Variants in ZCCHC14 observed in about 807,000 individuals in gnomAD.
The protein encoded by ZCCHC14 is zinc finger CCHC domain-containing protein 14.
In ZCCHC14, 16 loss-of-function variants were observed where a neutral mutation model predicts 85.0. The observed-to-expected ratio is 0.19, with a 90% CI of 0.13 to 0.29. The LOEUF is 0.29. ZCCHC14 is among the 10% of genes least tolerant of loss of function. ZCCHC14 has a pLI of 1.00. For missense variants in ZCCHC14, 1,303 were observed against 1,443.5 expected, an observed-to-expected ratio of 0.90 and a Z score of 1.58; for synonymous variants, 775 against 630.7, an observed-to-expected ratio of 1.23 and a Z score of -3.43.
Position 87,412,085 on chromosome 16 carries a change from C to G in ZCCHC14, c.2636G>C (p.Ser879Thr). 1 of 1,612,844 alleles carries G rather than the reference C, an allele frequency of 6.2e-7. No individual in the cohort carries two copies. The highest frequency in any genetic ancestry group is 8.5e-7 in the Non-Finnish European group (1 of 1,180,030). ...GCCACCGCCACTGCTGCTATAGAAA[C>G]TGCTTTCAGGGACGGAGGACAGCGC... ...SPALSSVPES[S>T]FYSSSGGGGS... Residue 879 changes from serine (S) to threonine (T), a missense_variant, in exon 12 of 13, where the codon AGT becomes ACT. Around this residue, in one of 7 missense-constraint regions of ZCCHC14, gnomAD observed 797 missense variants for 730.8 expected, o/e 1.09. Coordinates refer to ENST00000671377, the MANE Select transcript of ZCCHC14 (RefSeq NM_015144.3).
intron 1 of ZCCHC14, among the ~76,000 whole-genome samples, chr16:87,489,233 A>T (rs11646247): frequency 0.67 from 101,552 of 152,018 alleles, 38,558 homozygotes; most frequent in South Asian, 0.87. Context: ...AAAACTAGAA[A>T]CCACGGTTGT....
At chr16:87,476,216 C>G (rs12443844) in intron 1 of ZCCHC14, among the ~76,000 whole-genome samples, 4 of 152,118 alleles carry the variant, frequency 2.6e-5, no homozygotes, top group African/African-American at 9.7e-5. Context: ...CCCGAAAATA[C>G]TAAAGTGAGT....
chr16:87,447,279 G>C (rs1910486526), intron 2 of ZCCHC14, among the ~76,000 whole-genome samples: 1 of 151,150 alleles, frequency 6.6e-6, no homozygotes, highest in Admixed American at 6.5e-5. Context: ...CAAAGGGCCT[G>C]TGTGAAACGG....
chr16:87,414,672 C>T, intron 9 of ZCCHC14, 131 bp from the exon 10 acceptor site: 1 of 1,270,240 alleles, frequency 7.9e-7, no homozygotes, highest in Non-Finnish European at 1.1e-6. Context: ...TGGGTCTACT[C>T]CACACCACAG....
At chr16:87,416,553 G>A (rs1223495022) in intron 8 of ZCCHC14, among the ~76,000 whole-genome samples, 1 of 151,990 alleles carries the variant, frequency 6.6e-6, no homozygotes, top group African/African-American at 2.4e-5. Context: ...TCAGGAGTTC[G>A]AGACTAGCCT....
rs1909873162 is a variant in ZCCHC14 at position 87,435,413 on chromosome 16, C to G, written c.695-2212G>C. ...CCAACACCCGCCCGTCCGTGAGCAG[C>G]TCTGTGGGCCTCCACATGCCCCTCA... On this transcript the variant is annotated intron_variant, in intron 2 of 12. Coordinates refer to ENST00000671377, the MANE Select transcript of ZCCHC14 (RefSeq NM_015144.3). Among the ~76,000 whole-genome samples, 6 of 152,390 alleles carry G rather than the reference C, an allele frequency of 3.9e-5. No individual in the cohort carries two copies. In the South Asian group the frequency reaches 1.0e-3, roughly 26 times the overall value.
rs1051774017 is a variant in ZCCHC14 at position 87,409,441 on chromosome 16, A to T, written c.*839T>A. The T allele has an allele frequency of 2.0e-5, 3 of 152,264 alleles. No homozygotes were observed. Among genetic ancestry groups the T allele is most frequent in the Middle Eastern group, 3.2e-3 (1 of 316 alleles). The allele number at this position is 152,264 out of a possible 1,614,324, so 9.4% of individuals were successfully genotyped here. A position where few individuals can be genotyped will look rare whatever the true frequency, so the allele number is the denominator to read the frequency against. On this transcript the variant is annotated 3_prime_UTR_variant, in exon 13 of 13. Transcript: ENST00000671377. ...TCATTTGTAGTGGAAGATAGGGCTC[A>T]AAGCCACTGACTGGCTGGGAAGAAA...
intron 4 of ZCCHC14, among the ~76,000 whole-genome samples, chr16:87,421,063 C>T (rs934017534): frequency 4.6e-5 from 7 of 152,264 alleles, no homozygotes; most frequent in African/African-American, 1.4e-4. Context: ...GGCTGCCACA[C>T]CAGCAGGTCT....
Position 87,409,935 on chromosome 16 carries a change from GT to G in ZCCHC14, c.*344del, listed in dbSNP as rs1395549593. On this transcript the variant is annotated 3_prime_UTR_variant, in exon 13 of 13. Coordinates refer to ENST00000671377, the MANE Select transcript of ZCCHC14 (RefSeq NM_015144.3). ...AAGCTCGGTTCTCGATTCAGACCAC[GT>G]GTAGCTGCCCTGGAATTGACGTGTG... The G allele has an allele frequency of 2.6e-5, 5 of 192,750 alleles. No individual in the cohort carries two copies. Among genetic ancestry groups the G allele is most frequent in the Non-Finnish European group, 5.3e-5 (5 of 94,710 alleles). 11.9% of individuals were successfully genotyped at this position (192,750 alleles called of 1,614,324 possible). A position where few individuals can be genotyped will look rare whatever the true frequency, so the allele number is the denominator to read the frequency against.
intron 1 of ZCCHC14, among the ~76,000 whole-genome samples, chr16:87,484,396 G>T (rs1912420949): frequency 6.6e-6 from 1 of 152,170 alleles, no homozygotes; most frequent in South Asian, 2.1e-4. Flanking sequence ...CGAAAAAATT[G>T]TTTTTGTCAA....
Position 87,491,656 on chromosome 16 carries a change from G to C in ZCCHC14, c.570+13C>G. ...ACTTGGGGTACAGGGCAGAGCTCGGGGCGGGCACGCACCTTGTGGCAGGCT... is the reference window on the plus strand; with the variant it reads ...ACTTGGGGTACAGGGCAGAGCTCGGCGCGGGCACGCACCTTGTGGCAGGCT... On this transcript the variant is annotated intron_variant, in intron 1 of 12. Coordinates refer to ENST00000671377, the MANE Select transcript of ZCCHC14 (RefSeq NM_015144.3). This position sits in a 1 kb window ranked among gnomAD's most constrained non-coding sequence, Gnocchi z 5.9. 7.2e-7 allele frequency: 1 copy of C among 1,397,746 alleles called. No homozygotes were observed. The highest frequency in any genetic ancestry group is 9.2e-7 in the Non-Finnish European group (1 of 1,081,230). 86.6% of individuals were successfully genotyped at this position (1,397,746 alleles called of 1,614,324 possible). A position where few individuals can be genotyped will look rare whatever the true frequency, so the allele number is the denominator to read the frequency against.
chr16:87,437,724 G>GC (rs1909998177), intron 2 of ZCCHC14, among the ~76,000 whole-genome samples: 1 of 152,188 alleles, frequency 6.6e-6, no homozygotes, highest in South Asian at 2.1e-4. Flanking sequence ...TACACAACAG[G>GC]CATTTTCCTC....
chr16:87,427,648 TC>T (rs977624896), intron 3 of ZCCHC14, among the ~76,000 whole-genome samples: 1 of 152,140 alleles, frequency 6.6e-6, no homozygotes, highest in Non-Finnish European at 1.5e-5. Flanking sequence ...TCATTTTTTT[TC>T]TTTTTTGAGA....
chr16:87,438,201 T>A (rs1224559279), intron 2 of ZCCHC14, among the ~76,000 whole-genome samples: 2 of 152,262 alleles, frequency 1.3e-5, no homozygotes, highest in East Asian at 3.8e-4. Context: ...CAGAGCCCAC[T>A]GCACAGGAGG....
chr16:87,436,403 G>A (rs990865489), intron 2 of ZCCHC14, among the ~76,000 whole-genome samples: 3 of 152,258 alleles, frequency 2.0e-5, no homozygotes, highest in African/African-American at 4.8e-5. Context: ...GTGCTCCGCG[G>A]GCTCTGAAGG....
At chr16:87,455,482 A>G (rs1252148470) in intron 2 of ZCCHC14, among the ~76,000 whole-genome samples, 1 of 152,156 alleles carries the variant, frequency 6.6e-6, no homozygotes, top group African/African-American at 2.4e-5. Flanking sequence ...CTTCTCTTAA[A>G]TGGGGGGCTC....
At chr16:87,427,824 T>C (rs142956352) in intron 3 of ZCCHC14, among the ~76,000 whole-genome samples, 5 of 121,612 alleles carry the variant, frequency 4.1e-5, no homozygotes, top group African/African-American at 1.6e-4. Flanking sequence ...TTTTTGCACT[T>C]TTTGCAGTGA....
intron 2 of ZCCHC14, among the ~76,000 whole-genome samples, chr16:87,459,349 C>CTT (rs531710228): frequency 1.4e-5 from 2 of 143,100 alleles, no homozygotes; most frequent in African/African-American, 5.1e-5. Flanking sequence ...TCCTCCCACC[C>CTT]TTTTTTTTTT....
At position 87,423,663 on chromosome 16, in the gene ZCCHC14, A is replaced by G. The variant is rs1225992968; in HGVS notation, c.840+147T>C. 6 of 805,562 alleles carry G rather than the reference A, an allele frequency of 7.4e-6. No homozygotes were observed. In the Admixed American group the frequency reaches 1.3e-4, roughly 17 times the overall value. 49.9% of individuals were successfully genotyped at this position (805,562 alleles called of 1,614,324 possible). A position where few individuals can be genotyped will look rare whatever the true frequency, so the allele number is the denominator to read the frequency against. On this transcript the variant is annotated intron_variant, in intron 4 of 12. Coordinates refer to ENST00000671377, the MANE Select transcript of ZCCHC14 (RefSeq NM_015144.3). ...CGCTCATGTCAGCAGCGGGCCTGGG[A>G]CTCCACTGTGGCTGGGCAGGAGGCC...
Sources: allele counts gnomAD v4.1 joint callset (sites outside exome capture counted in the v4.1 genomes callset), GRCh38; gene constraint gnomAD v4.1.1; regional missense constraint gnomAD v4.1.1; non-coding constraint Gnocchi (gnomAD v3.1); transcripts MANE v1.5; gene names NCBI Gene and HGNC (gene_info 2026-07-23, HGNC 2026-07-21).